Variants in PBX2 observed in about 807,000 individuals in gnomAD.
PBX2 encodes the protein PBX homeobox 2, also known as pre-B-cell leukemia transcription factor 2.
In PBX2, 10 loss-of-function variants were observed where a neutral mutation model predicts 46.5. The ratio of observed to expected loss-of-function variants is 0.21; its 90% CI spans 0.13 to 0.36. The LOEUF (loss-of-function observed/expected upper bound fraction) is 0.36. Among genes scored for constraint, PBX2 ranks in the 10% least tolerant of loss-of-function variants. The pLI, the probability that PBX2 is intolerant of heterozygous loss-of-function variation, is 1.00. For missense variants in PBX2, 392 were observed against 580.5 expected, an observed-to-expected ratio of 0.68 and a Z score of 3.34; for synonymous variants, 160 against 222.5, an observed-to-expected ratio of 0.72 and a Z score of 2.50.
Position 32,186,560 on chromosome 6 carries a change from G to A in PBX2, c.1200+44C>T. 6.4e-7 allele frequency: 1 copy of A among 1,573,466 alleles called. No individual in the cohort carries two copies. The highest frequency in any genetic ancestry group is 8.7e-7 in the Non-Finnish European group (1 of 1,142,992). On this transcript the variant is annotated intron_variant, in intron 8 of 8. Coordinates refer to ENST00000375050, the MANE Select transcript of PBX2 (RefSeq NM_002586.5). This position sits in a 1 kb window ranked among gnomAD's most constrained non-coding sequence, Gnocchi z 4.2. ...ACATTACTAGGGAAAATGCCCCTCTGTCCTGTGAGAACTGGACAGAGAGGA... is the reference window on the plus strand; with the variant it reads ...ACATTACTAGGGAAAATGCCCCTCTATCCTGTGAGAACTGGACAGAGAGGA...
In PBX2 at chr6:32,186,663, G is replaced by T; in HGVS notation, c.1141C>A (p.Pro381Thr). The T allele has an allele frequency of 1.2e-6, 2 of 1,613,122 alleles. No homozygotes were observed. The highest frequency in any genetic ancestry group is 1.7e-6 in the Non-Finnish European group (2 of 1,179,140). ...CCGAGGTTATCCCCATAGCCCCCTG[G>T]CCCCATCGAGTGTCGGAGTGATTCC... ...QVESLRHSMG[P>T]GGYGDNLGGG... The change falls in exon 8 of 9, where the codon CCA (proline) becomes ACA (threonine). Residue 381 changes from proline (P) to threonine (T), a missense_variant. Coordinates refer to ENST00000375050, the MANE Select transcript of PBX2 (RefSeq NM_002586.5). The surrounding 1 kb of genome is among the most constrained non-coding windows in gnomAD (Gnocchi z 4.2).
In PBX2 at chr6:32,186,495, C is replaced by G. The variant is rs768535694; in HGVS notation, c.1201-21G>C. 1 of 1,609,982 alleles carries G rather than the reference C, an allele frequency of 6.2e-7. No individual in the cohort carries two copies. Among genetic ancestry groups the G allele is most frequent in the South Asian group, 1.1e-5 (1 of 90,982 alleles). ...TTTGCCTGAAAGGAGAGACAGAGTACAGAAAACAGAGAAAGCCCTGGGAAC... is the reference window on the plus strand; with the variant it reads ...TTTGCCTGAAAGGAGAGACAGAGTAGAGAAAACAGAGAAAGCCCTGGGAAC... On this transcript the variant is annotated intron_variant, in intron 8 of 8. Coordinates refer to ENST00000375050, the MANE Select transcript of PBX2 (RefSeq NM_002586.5). The surrounding 1 kb of genome is among the most constrained non-coding windows in gnomAD (Gnocchi z 4.2).
rs1405987976 is a variant in PBX2 at position 32,185,782 on chromosome 6, A to G, written c.*600T>C. ...TCCCTCCGAGGTAGATATCTGAGTCAGACACTCTCGTCCACCGAGCGATTC... is the reference window on the plus strand; with the variant it reads ...TCCCTCCGAGGTAGATATCTGAGTCGGACACTCTCGTCCACCGAGCGATTC... On this transcript the variant is annotated 3_prime_UTR_variant, in exon 9 of 9. Coordinates refer to ENST00000375050, the MANE Select transcript of PBX2 (RefSeq NM_002586.5). The G allele has an allele frequency of 6.6e-6, 1 of 152,462 alleles. No individual in the cohort carries two copies. The highest frequency in any genetic ancestry group is 1.5e-5 in the Non-Finnish European group (1 of 68,046). 9.4% of individuals were successfully genotyped at this position (152,462 alleles called of 1,614,324 possible).
Position 32,188,272 on chromosome 6 carries a change from C to G in PBX2, c.528G>C (p.Leu176=), listed in dbSNP as rs776964621. 1.2e-6 allele frequency: 2 copies of G among 1,613,792 alleles called. No homozygotes were observed. The highest frequency in any genetic ancestry group is 2.2e-5 in the South Asian group (2 of 91,076). ...AQIRHIYHSE[L]EKYEQACNEF... is the part of the protein sequence containing the mutation. The stretch of plus-strand genomic sequence containing the variant: ...CTCTCCTTACCTGCTCATACTTCTC[C>G]AGCTCCGAGTGGTATATGTGACGGA... The change falls in exon 3 of 9, where the codon CTG becomes CTC. Residue 176 remains leucine (L), a synonymous_variant. Transcript: ENST00000375050. This position sits in a 1 kb window ranked among gnomAD's most constrained non-coding sequence, Gnocchi z 6.5.
At position 32,187,324 on chromosome 6, in the gene PBX2, G is replaced by A; in HGVS notation, c.942C>T (p.Asn314=). ...ACACGGCGGTCTTGACAGCATAGATGTTTGCCTCCTCTTGGAACTTTCCGA... is the reference window on the plus strand; with the variant it reads ...ACACGGCGGTCTTGACAGCATAGATATTTGCCTCCTCTTGGAACTTTCCGA... The part of the protein sequence containing the change: ...KNIGKFQEEA[N]IYAVKTAVSV... Residue 314 remains asparagine (N), a synonymous_variant, in exon 6 of 9, where the codon AAC becomes AAT. Transcript: ENST00000375050. The surrounding 1 kb of genome is among the most constrained non-coding windows in gnomAD (Gnocchi z 7.7). 2.5e-6 allele frequency: 4 copies of A among 1,613,074 alleles called. No homozygotes were observed. The highest frequency in any genetic ancestry group is 3.4e-6 in the Non-Finnish European group (4 of 1,180,020).
chr6:32,188,572 C>T lies in PBX2; in HGVS notation c.296-68G>A. ...TACCCAGTGCTCAGTCCTCCTGGTG[C>T]TTCCTGGAGAGCCAAGTTCCCAGGC... On this transcript the variant is annotated intron_variant, in intron 2 of 8. Transcript: ENST00000375050. This position sits in a 1 kb window ranked among gnomAD's most constrained non-coding sequence, Gnocchi z 6.5. 1 of 1,580,954 alleles carries T rather than the reference C, an allele frequency of 6.3e-7. No homozygotes were observed. The highest frequency in any genetic ancestry group is 8.6e-7 in the Non-Finnish European group (1 of 1,160,622).
rs1427524881 is a variant in PBX2 at position 32,186,216 on chromosome 6, T to C, written c.*166A>G. ...CTTAGAGGCCCCATTCTTCCTGCCA[T>C]GTAATTAGCACCCCCAGCACAGAGA... On this transcript the variant is annotated 3_prime_UTR_variant, in exon 9 of 9. Coordinates refer to ENST00000375050, the MANE Select transcript of PBX2 (RefSeq NM_002586.5). The surrounding 1 kb of genome is among the most constrained non-coding windows in gnomAD (Gnocchi z 4.2). 6.6e-6 allele frequency: 4 copies of C among 607,900 alleles called. No homozygotes were observed. The East Asian group carries it at 8.4e-5, about 13-fold the overall frequency. 37.7% of individuals were successfully genotyped at this position (607,900 alleles called of 1,614,324 possible).
In PBX2 at chr6:32,186,982, C is replaced by T; in HGVS notation, c.1025-81G>A. 7.9e-7 allele frequency: 1 copy of T among 1,260,146 alleles called. No homozygotes were observed. Among genetic ancestry groups the T allele is most frequent in the Non-Finnish European group, 1.2e-6 (1 of 866,066 alleles). The allele number at this position is 1,260,146 out of a possible 1,614,324, so 78.1% of individuals were successfully genotyped here. A position where few individuals can be genotyped will look rare whatever the true frequency, so the allele number is the denominator to read the frequency against. ...CCACAACTCTCAACTCTTGTGGGGA[C>T]ATGCTACTATACTCCAATTATCCAC... On this transcript the variant is annotated intron_variant, in intron 6 of 8. Transcript: ENST00000375050. This position sits in a 1 kb window ranked among gnomAD's most constrained non-coding sequence, Gnocchi z 4.2.
chr6:32,187,079 G>T lies in PBX2; in HGVS notation c.1024+163C>A. On this transcript the variant is annotated intron_variant, in intron 6 of 8. Coordinates refer to ENST00000375050, the MANE Select transcript of PBX2 (RefSeq NM_002586.5). This position sits in a 1 kb window ranked among gnomAD's most constrained non-coding sequence, Gnocchi z 7.7. ...CCCGTGGGAAGAAAGGCAGAACTAAGATCACTGGAATGGCCTCTGTCCCCT... is the reference window on the plus strand; with the variant it reads ...CCCGTGGGAAGAAAGGCAGAACTAATATCACTGGAATGGCCTCTGTCCCCT... 1 of 1,053,210 alleles carries T rather than the reference G, an allele frequency of 9.5e-7. No homozygotes were observed. The allele number at this position is 1,053,210 out of a possible 1,614,324, so 65.2% of individuals were successfully genotyped here.
In PBX2 at chr6:32,186,980, G is replaced by A. The variant is rs531121102; in HGVS notation, c.1025-79C>T. 86 of 1,271,776 alleles carry A rather than the reference G, an allele frequency of 6.8e-5. No homozygotes were observed. The South Asian group carries it at 7.2e-4, about 11-fold the overall frequency. The allele number at this position is 1,271,776 out of a possible 1,614,324, so 78.8% of individuals were successfully genotyped here. A position where few individuals can be genotyped will look rare whatever the true frequency, so the allele number is the denominator to read the frequency against. On this transcript the variant is annotated intron_variant, in intron 6 of 8. Transcript: ENST00000375050. This position sits in a 1 kb window ranked among gnomAD's most constrained non-coding sequence, Gnocchi z 4.2. The stretch of plus-strand genomic sequence containing the variant: ...AACCACAACTCTCAACTCTTGTGGG[G>A]ACATGCTACTATACTCCAATTATCC...
In PBX2 at chr6:32,188,311, G is replaced by C. The variant is rs373058342; in HGVS notation, c.489C>G (p.Ser163Arg). The change falls in exon 3 of 9, where the codon AGC (serine) becomes AGG (arginine). Residue 163 changes from serine (S) to arginine (R), a missense_variant. Physicochemically the swap from Ser to Arg is moderately radical, Grantham distance 110. Transcript: ENST00000375050. The surrounding 1 kb of genome is among the most constrained non-coding windows in gnomAD (Gnocchi z 6.5). ...DNSIEHSDYR[S>R]KLAQIRHIYH... ...ATATGTGACGGATCTGGGCAAGTTT[G>C]CTGCGATAGTCCGAGTGTTCGATGG... 3.1e-5 allele frequency: 50 copies of C among 1,614,084 alleles called. No homozygotes were observed. The African/African-American group carries it at 6.3e-4, about 20-fold the overall frequency.
At position 32,186,565 on chromosome 6, in the gene PBX2, G is replaced by A; in HGVS notation, c.1200+39C>T. The A allele has an allele frequency of 6.3e-7, 1 of 1,577,340 alleles. No homozygotes were observed. On this transcript the variant is annotated intron_variant, in intron 8 of 8. Coordinates refer to ENST00000375050, the MANE Select transcript of PBX2 (RefSeq NM_002586.5). The surrounding 1 kb of genome is among the most constrained non-coding windows in gnomAD (Gnocchi z 4.2). ...ACTAGGGAAAATGCCCCTCTGTCCT[G>A]TGAGAACTGGACAGAGAGGAGCTTC...
Position 32,187,632 on chromosome 6 carries a change from C to A in PBX2, c.870+15G>T. On this transcript the variant is annotated intron_variant, in intron 5 of 8. Transcript: ENST00000375050. This position sits in a 1 kb window ranked among gnomAD's most constrained non-coding sequence, Gnocchi z 7.7. ...GCACTTTGCCTGACAACTCCTCCCG[C>A]AACCTCCATAATACCTGAGACACGG... The A allele has an allele frequency of 1.3e-6, 2 of 1,582,830 alleles. No homozygotes were observed. The highest frequency in any genetic ancestry group is 1.8e-5 in the Admixed American group (1 of 54,284).
rs1787324620 is a variant in PBX2 at position 32,189,777 on chromosome 6, C to A, written c.139G>T (p.Gly47Cys). 1.2e-6 allele frequency: 2 copies of A among 1,604,810 alleles called. No homozygotes were observed. Among genetic ancestry groups the A allele is most frequent in the African/African-American group, 1.3e-5 (1 of 74,220 alleles). The change falls in exon 1 of 9, where the codon GGC (glycine) becomes TGC (cysteine). Residue 47 changes from glycine to cysteine, a missense_variant. Gly to Cys is a radical substitution (Grantham distance 159). Coordinates refer to ENST00000375050, the MANE Select transcript of PBX2 (RefSeq NM_002586.5). This position sits in a 1 kb window ranked among gnomAD's most constrained non-coding sequence, Gnocchi z 4.7. ...PGGGSGGVPG[G>C]RGKQDIGDIL... ...TCCCCGATGTCTTGCTTCCCTCGGC[C>A]TCCCGGGACCCCCCCGCTACCCCCA...
In PBX2 at chr6:32,187,891, A is replaced by G. The variant is rs1787214057; in HGVS notation, c.734+75T>C. The G allele has an allele frequency of 2.6e-6, 4 of 1,535,970 alleles. No homozygotes were observed. In the East Asian group the frequency reaches 9.2e-5, roughly 36 times the overall value. ...GTCATGGAGTACCATGTTGTGCAGC[A>G]TGGCAGCTCAGGGTCTTGGAGAGGA... On this transcript the variant is annotated intron_variant, in intron 4 of 8. Transcript: ENST00000375050. The surrounding 1 kb of genome is among the most constrained non-coding windows in gnomAD (Gnocchi z 7.7).
At position 32,185,590 on chromosome 6, in the gene PBX2, A is replaced by G. The variant is rs1363688277; in HGVS notation, c.*792T>C. ...AAAAAAAAAACAAGCTACTTCCCCAAACTAAATTAAAAATTAAGAACCACC... is the reference window on the plus strand; with the variant it reads ...AAAAAAAAAACAAGCTACTTCCCCAGACTAAATTAAAAATTAAGAACCACC... On this transcript the variant is annotated 3_prime_UTR_variant, in exon 9 of 9. Transcript: ENST00000375050. 2.0e-5 allele frequency: 3 copies of G among 152,096 alleles called. No individual in the cohort carries two copies. The highest frequency in any genetic ancestry group is 4.8e-5 in the African/African-American group (2 of 41,354). The allele number at this position is 152,096 out of a possible 1,614,324, so 9.4% of individuals were successfully genotyped here. A position where few individuals can be genotyped will look rare whatever the true frequency, so the allele number is the denominator to read the frequency against.
chr6:32,188,389 T>A lies in PBX2; in HGVS notation c.411A>T (p.Ala137=). Residue 137 remains alanine, a synonymous_variant, in exon 3 of 9, where the codon GCA becomes GCT. Transcript: ENST00000375050. The surrounding 1 kb of genome is among the most constrained non-coding windows in gnomAD (Gnocchi z 6.5). ...VAGPEKGGGS[A]AAAAAAAASG... ...AGGCTGCAGCGGCTGCAGCTGCTGC[T>A]GCTGAGCCGCCCCCTTTCTCGGGCC... 6.2e-7 allele frequency: 1 copy of A among 1,614,022 alleles called. No individual in the cohort carries two copies. The highest frequency in any genetic ancestry group is 8.5e-7 in the Non-Finnish European group (1 of 1,180,026).
chr6:32,189,798 C>A lies in PBX2; in HGVS notation c.118G>T (p.Gly40Cys), dbSNP rs1271803723. The A allele has an allele frequency of 6.2e-7, 1 of 1,600,310 alleles. No individual in the cohort carries two copies. Among genetic ancestry groups the A allele is most frequent in the Admixed American group, 1.7e-5 (1 of 59,188 alleles). ...EPPGGGDPGG[G>C]SGGVPGGRGK... is the part of the protein sequence containing the mutation. ...CGGCCTCCCGGGACCCCCCCGCTAC[C>A]CCCACCGGGGTCTCCGCCACCGGGA... The change falls in exon 1 of 9, where the codon GGT (glycine) becomes TGT (cysteine). Residue 40 changes from glycine (G) to cysteine (C), a missense_variant. Coordinates refer to ENST00000375050, the MANE Select transcript of PBX2 (RefSeq NM_002586.5). This position sits in a 1 kb window ranked among gnomAD's most constrained non-coding sequence, Gnocchi z 4.7.
rs1787237130 is a variant in PBX2, at chr6:32,188,340, T to G, written c.460A>C (p.Asn154His). The stretch of plus-strand genomic sequence containing the variant: ...CGATAGTCCGAGTGTTCGATGGAGT[T>G]GTCAGGGGACACACCACCACCAGAG... ...AASGGGVSPD[N>H]SIEHSDYRSK... Residue 154 changes from asparagine (N) to histidine (H), a missense_variant, in exon 3 of 9, where the codon AAC (asparagine) becomes CAC (histidine). Asn to His is a moderately conservative substitution (Grantham distance 68). Coordinates refer to ENST00000375050, the MANE Select transcript of PBX2 (RefSeq NM_002586.5). The surrounding 1 kb of genome is among the most constrained non-coding windows in gnomAD (Gnocchi z 6.5). The G allele has an allele frequency of 6.2e-7, 1 of 1,614,044 alleles. No homozygotes were observed. The highest frequency in any genetic ancestry group is 1.1e-5 in the South Asian group (1 of 91,088).
Sources: allele counts gnomAD v4.1 joint callset, GRCh38; gene constraint gnomAD v4.1.1; non-coding constraint Gnocchi (gnomAD v3.1); transcripts MANE v1.5; gene names NCBI Gene and HGNC (gene_info 2026-07-23, HGNC 2026-07-21).